The following DPP10 variants were observed in gnomAD, a reference collection of about 807,000 sequenced individuals.
DPP10 encodes the protein inactive dipeptidyl peptidase 10.
DPP10 carries 33 observed loss-of-function variants against 120.9 expected under a neutral mutation model. That is an observed-to-expected ratio of 0.27 (90% CI 0.21 to 0.37). DPP10 has a LOEUF of 0.37. Among genes scored for constraint, DPP10 ranks in the 10% least tolerant of loss-of-function variants. The probability of loss-of-function intolerance (pLI) is 1.00; values close to 1 mark genes in which losing one functional copy is unlikely to be tolerated. For missense variants in DPP10, 816 were observed against 942.8 expected (o/e 0.87, Z 1.76); for synonymous variants, 337 against 326.1 (o/e 1.03, Z -0.36).
intron 1 of DPP10, among the ~76,000 whole-genome samples, chr2:115,262,927 G>A (rs527498248): frequency 6.8e-4 from 104 of 152,198 alleles, no homozygotes; most frequent in African/African-American, 2.4e-3. Flanking sequence ...CATGGTACTT[G>A]CAGTGGAAGA....
chr2:114,866,718 C>T (rs1690266165), intron 1 of DPP10, among the ~76,000 whole-genome samples: 1 of 152,158 alleles, frequency 6.6e-6, no homozygotes, highest in South Asian at 2.1e-4. Context: ...CAAAAAATTG[C>T]ATAAGTAGTC....
At chr2:115,536,846 TA>T (rs1267552151) in intron 5 of DPP10, among the ~76,000 whole-genome samples, 9 of 151,780 alleles carry the variant, frequency 5.9e-5, no homozygotes, top group South Asian at 2.1e-4. Flanking sequence ...AAACCTATTT[TA>T]AAAAAAATAA....
chr2:115,332,932 A>G (rs1309085938), intron 2 of DPP10, among the ~76,000 whole-genome samples: 2 of 152,102 alleles, frequency 1.3e-5, no homozygotes, highest in African/African-American at 4.8e-5. Context: ...GTAGATGTCT[A>G]TTAGGTCCAC....
At position 115,484,728 on chromosome 2, in the gene DPP10, G is replaced by A. The variant is rs535284792; in HGVS notation, c.272-14782G>A. On this transcript the variant is annotated intron_variant, in intron 3 of 25. Transcript: ENST00000410059. ...GACAACACTGAAGTATCTGTATCAA[G>A]TCATGCATGTCTGCATGAAGCCCTA... Among the ~76,000 whole-genome samples the A allele has an allele frequency of 5.9e-5, 9 of 152,222 alleles. No individual in the cohort carries two copies. In the South Asian group the frequency reaches 1.7e-3, roughly 28 times the overall value.
chr2:115,520,235 A>G (rs1285670370), intron 4 of DPP10, among the ~76,000 whole-genome samples: 1 of 152,048 alleles, frequency 6.6e-6, no homozygotes, highest in African/African-American at 2.4e-5. Flanking sequence ...GGAGAACTGC[A>G]TGAACCTGGG....
intron 1 of DPP10, among the ~76,000 whole-genome samples, chr2:115,166,837 A>G (rs776380980): frequency 1.3e-5 from 2 of 152,094 alleles, no homozygotes; most frequent in Non-Finnish European, 2.9e-5. Flanking sequence ...AAGCAAATTC[A>G]AAATTTTGGT....
intron 1 of DPP10, among the ~76,000 whole-genome samples, chr2:114,935,544 G>A (rs1425085692): frequency 6.6e-6 from 1 of 152,124 alleles, no homozygotes; most frequent in Non-Finnish European, 1.5e-5. Flanking sequence ...GTGTTTCCAT[G>A]GTAGTGTCAT....
chr2:114,848,253 C>A (rs1301464337), intron 1 of DPP10, among the ~76,000 whole-genome samples: 1 of 152,078 alleles, frequency 6.6e-6, no homozygotes, highest in Non-Finnish European at 1.5e-5. Flanking sequence ...CCCTGTCTGC[C>A]GTTGTGCATG....
chr2:115,312,309 A>G (rs1347607483), intron 2 of DPP10, among the ~76,000 whole-genome samples: 3 of 152,200 alleles, frequency 2.0e-5, no homozygotes, highest in Non-Finnish European at 1.5e-5. Context: ...GGGCAAGTAT[A>G]ACAACTAGTG....
chr2:115,262,259 G>A (rs1254924860), intron 1 of DPP10, among the ~76,000 whole-genome samples: 1 of 151,600 alleles, frequency 6.6e-6, no homozygotes, highest in Non-Finnish European at 1.5e-5. Flanking sequence ...GAGAAATTTG[G>A]TGTAACACCA....
chr2:115,835,818 C>T (rs942154880), intron 21 of DPP10, among the ~76,000 whole-genome samples: 2 of 152,000 alleles, frequency 1.3e-5, no homozygotes, highest in African/African-American at 4.8e-5. Context: ...ATTTCCCTAA[C>T]CTCAAATTAT....
At chr2:114,462,328 ATTTAAC>A (rs766219145) in intron 1 of DPP10, among the ~76,000 whole-genome samples, 2 of 152,168 alleles carry the variant, frequency 1.3e-5, no homozygotes, top group Non-Finnish European at 2.9e-5. Flanking sequence ...TCCATACTTT[ATTTAAC>A]TTTATTACTT....
intron 3 of DPP10, among the ~76,000 whole-genome samples, chr2:115,379,660 G>A (rs1427230596): frequency 6.6e-6 from 1 of 152,030 alleles, no homozygotes; most frequent in Admixed American, 6.5e-5. Flanking sequence ...GTCAATTTTG[G>A]ATCTTTCCTG....
intron 3 of DPP10, among the ~76,000 whole-genome samples, chr2:115,378,501 G>A (rs2065999454): frequency 1.3e-5 from 2 of 151,814 alleles, no homozygotes; most frequent in African/African-American, 2.4e-5. Flanking sequence ...TCTGCAAACA[G>A]GGACAATTTG....
At chr2:115,381,008 G>C (rs1333315198) in intron 3 of DPP10, among the ~76,000 whole-genome samples, 1 of 152,050 alleles carries the variant, frequency 6.6e-6, no homozygotes, top group Non-Finnish European at 1.5e-5. Context: ...TTTCAACTTT[G>C]GTGAATCTGA....
chr2:115,697,144 A>G (rs1279662245), intron 7 of DPP10, among the ~76,000 whole-genome samples: 1 of 152,170 alleles, frequency 6.6e-6, no homozygotes, highest in Non-Finnish European at 1.5e-5. Context: ...AAACTCAAAT[A>G]AGACAGTAAT....
chr2:114,924,528 A>G (rs1283551604), intron 1 of DPP10, among the ~76,000 whole-genome samples: 2 of 151,526 alleles, frequency 1.3e-5, no homozygotes, highest in Non-Finnish European at 2.9e-5. Flanking sequence ...TCTGTCTCAA[A>G]AAAAAAAAAG....
intron 1 of DPP10, among the ~76,000 whole-genome samples, chr2:115,072,571 C>T (rs1051549755): frequency 6.6e-6 from 1 of 152,138 alleles, no homozygotes; most frequent in Non-Finnish European, 1.5e-5. Flanking sequence ...ACTGAATTAA[C>T]ACTTTGCTTA....
intron 1 of DPP10, among the ~76,000 whole-genome samples, chr2:115,289,183 C>G (rs1023507479): frequency 3.3e-5 from 5 of 151,938 alleles, no homozygotes; most frequent in African/African-American, 1.2e-4. Context: ...AACTCAACCG[C>G]TTTTATAATA....
Sources: gnomAD v4.1 joint callset for allele counts (sites outside exome capture counted in the v4.1 genomes callset) on GRCh38, gnomAD v4.1.1 for gene constraint, MANE v1.5 for transcripts, NCBI Gene and HGNC (gene_info 2026-07-23, HGNC 2026-07-21) for gene names.